SGCG: variants seen among roughly 807,000 people sequenced by gnomAD.
SGCG encodes the protein sarcoglycan gamma.
In SGCG, 26 loss-of-function variants were observed where a neutral mutation model predicts 29.3. The observed-to-expected ratio is 0.89, with a 90% confidence interval of 0.65 to 1.23. SGCG has a LOEUF of 1.23. Ranked by LOEUF, SGCG falls within the 50% of genes most tolerant of loss-of-function variation. The pLI, the probability that SGCG is intolerant of heterozygous loss-of-function variation, is 0.00. For missense variants in SGCG, 353 were observed against 356.0 expected (o/e 0.99, Z 0.07); for synonymous variants, 145 against 129.7 (o/e 1.12, Z -0.80).
At chr13:23,178,962 C>T (rs1163395596), upstream of SGCG, among the ~76,000 whole-genome samples, 2 of 152,106 alleles carry the variant, frequency 1.3e-5, no homozygotes, top group Non-Finnish European at 2.9e-5. Context: ...GAGGGGGAAG[C>T]CAGAAAGGTC....
chr13:23,321,651 T>C (rs1367901528), intron 7 of SGCG, among the ~76,000 whole-genome samples: 3 of 152,222 alleles, frequency 2.0e-5, no homozygotes, highest in Non-Finnish European at 4.4e-5. Context: ...TGTCCTGGGC[T>C]GGACGGCTCA....
At chr13:23,280,934 C>T (rs995038383) in intron 5 of SGCG, among the ~76,000 whole-genome samples, 5 of 152,204 alleles carry the variant, frequency 3.3e-5, no homozygotes, top group African/African-American at 1.2e-4. Flanking sequence ...GGGCTCCTTC[C>T]GGGCCATGAC....
At position 23,296,504 on chromosome 13, in the gene SGCG, G is replaced by A. The variant is rs141682789; in HGVS notation, c.578+1017G>A. Among the ~76,000 whole-genome samples, 734 of 152,084 alleles carry A rather than the reference G, an allele frequency of 4.8e-3. 5 individuals are homozygous for A. The highest frequency in any genetic ancestry group is 0.017 in the African/African-American group (688 of 41,458). On this transcript the variant is annotated intron_variant, in intron 6 of 7. Coordinates refer to ENST00000218867, the MANE Select transcript of SGCG (RefSeq NM_000231.3). ...GTCTTAAGTACATTCATATTACTTC[G>A]TGGTCATTACCACCATCCATCTCCA...
At chr13:23,261,996 A>G (rs868094829) in intron 4 of SGCG, among the ~76,000 whole-genome samples, 1 of 152,056 alleles carries the variant, frequency 6.6e-6, no homozygotes, top group African/African-American at 2.4e-5. Flanking sequence ...CCTAAAAGAA[A>G]TGCTGAAAGG....
chr13:23,282,545 A>G (rs996181579), intron 5 of SGCG, among the ~76,000 whole-genome samples: 1 of 152,016 alleles, frequency 6.6e-6, no homozygotes, highest in Non-Finnish European at 1.5e-5. Flanking sequence ...ACATGTTCTC[A>G]TCGTTTAGCT....
intron 6 of SGCG, among the ~76,000 whole-genome samples, chr13:23,299,437 TATATATATATA>T (rs1480165326): frequency 0.011 from 211 of 19,574 alleles, 21 homozygotes; most frequent in African/African-American, 0.024. Context: ...TATATATATA[TATATATATATA>T]TATATATATT....
chr13:23,309,473 AAG>A (rs1327411339), intron 6 of SGCG, among the ~76,000 whole-genome samples: 8 of 152,178 alleles, frequency 5.3e-5, no homozygotes, highest in Non-Finnish European at 7.3e-5. Context: ...GTGCCGAAAA[AAG>A]AGTCATCCTT....
chr13:23,261,428 T>A (rs190525069), intron 4 of SGCG, among the ~76,000 whole-genome samples: 1 of 152,116 alleles, frequency 6.6e-6, no homozygotes, highest in Non-Finnish European at 1.5e-5. Flanking sequence ...CGAAGACAAG[T>A]CTTTTGAATT....
intron 4 of SGCG, among the ~76,000 whole-genome samples, chr13:23,261,799 C>T (rs35914094): frequency 0.085 from 12,884 of 152,068 alleles, 709 homozygotes; most frequent in South Asian, 0.14. Context: ...ATCAGACTAA[C>T]AGCAAATTTC....
the SGCG span, among the ~76,000 whole-genome samples, chr13:23,167,901 T>G: frequency 6.6e-6 from 1 of 152,022 alleles, no homozygotes; most frequent in South Asian, 2.1e-4. Flanking sequence ...CATACTAACT[T>G]TTTGTATTTT....
At chr13:23,248,633 C>T (rs879329377) in intron 3 of SGCG, among the ~76,000 whole-genome samples, 4 of 126,544 alleles carry the variant, frequency 3.2e-5, no homozygotes, top group Admixed American at 2.4e-4. Flanking sequence ...GGCGGAGCTT[C>T]CGGCGAGCCC....
the SGCG span, among the ~76,000 whole-genome samples, chr13:23,162,724 G>A: frequency 2.6e-5 from 4 of 151,842 alleles, no homozygotes; most frequent in African/African-American, 7.3e-5. Flanking sequence ...CCAGCTTCTC[G>A]GGAGGCTGAG....
chr13:23,198,080 G>C (rs1877582843), intron 1 of SGCG, among the ~76,000 whole-genome samples: 1 of 152,204 alleles, frequency 6.6e-6, no homozygotes, highest in Non-Finnish European at 1.5e-5. Context: ...GTCAGTATCA[G>C]ACAGATAACT....
intron 4 of SGCG, among the ~76,000 whole-genome samples, chr13:23,252,670 G>A (rs886603247): frequency 9.2e-5 from 14 of 152,038 alleles, no homozygotes; most frequent in South Asian, 6.3e-4. Context: ...CAGCCTGGGC[G>A]ACAGAGTGAG....
intron 6 of SGCG, among the ~76,000 whole-genome samples, chr13:23,299,454 A>ATTTTTTTT (rs1882057854): frequency 1.9e-4 from 8 of 42,670 alleles, no homozygotes; most frequent in Non-Finnish European, 3.3e-4. Context: ...ATATATATAT[A>ATTTTTTTT]TATTTTTTTT....
At chr13:23,296,593 C>T (rs1386527184) in intron 6 of SGCG, among the ~76,000 whole-genome samples, 1 of 116,516 alleles carries the variant, frequency 8.6e-6, no homozygotes, top group African/African-American at 2.9e-5. Context: ...ATTCTCTTCT[C>T]CCGGTCACCC....
chr13:23,320,799 T>C (rs376683145), intron 7 of SGCG, 39 bp downstream of exon 7: 6 of 1,594,664 alleles, frequency 3.8e-6, no homozygotes, highest in Middle Eastern at 1.7e-4. Context: ...CTGTATGTCC[T>C]GATGATATTC....
intron 4 of SGCG, among the ~76,000 whole-genome samples, chr13:23,263,518 G>T (rs1157849978): frequency 6.6e-6 from 1 of 151,802 alleles, no homozygotes; most frequent in African/African-American, 2.4e-5. Flanking sequence ...AAAAGCTCAG[G>T]GCTAGACAGA....
intron 4 of SGCG, among the ~76,000 whole-genome samples, chr13:23,269,887 T>TC (rs1555242108): frequency 6.7e-6 from 1 of 149,694 alleles, no homozygotes; most frequent in African/African-American, 2.5e-5. Context: ...TTTTTTGTTT[T>TC]TTTTTGAGGC....
Sources: allele counts gnomAD v4.1 joint callset (sites outside exome capture counted in the v4.1 genomes callset), GRCh38; gene constraint gnomAD v4.1.1; transcripts MANE v1.5; gene names NCBI Gene and HGNC (gene_info 2026-07-23, HGNC 2026-07-21).